Variants in IKZF1 observed in about 807,000 individuals in gnomAD.
IKZF1 encodes DNA-binding protein Ikaros.
In IKZF1, 10 loss-of-function variants were observed where a neutral mutation model predicts 51.7. That is an observed-to-expected ratio of 0.19 (90% CI 0.12 to 0.33). IKZF1 has a LOEUF of 0.33. Among genes scored for constraint, IKZF1 ranks in the 10% least tolerant of loss-of-function variants. The pLI is 1.00. For synonymous variants in IKZF1, 280 were observed against 282.3 expected (o/e 0.99, Z 0.08); for missense variants, 484 against 707.5 (o/e 0.68, Z 3.58).
Position 50,376,816 on chromosome 7 carries a change from C to A in IKZF1, c.421+23C>A, listed in dbSNP as rs1423426953. On this transcript the variant is annotated intron_variant, in intron 4 of 7. Transcript: ENST00000331340. This position sits in a 1 kb window ranked among gnomAD's most constrained non-coding sequence, Gnocchi z 4.5. ...CTGGTAAGGCCTGGCTCAGTTTTTC[C>A]TTTAGTGGCCTGGAGAAGGTGCATG... The A allele has an allele frequency of 6.2e-7, 1 of 1,611,064 alleles. No individual in the cohort carries two copies. Among genetic ancestry groups the A allele is most frequent in the East Asian group, 2.2e-5 (1 of 44,828 alleles).
At chr7:50,315,488 C>T (rs1562714738) in intron 1 of IKZF1, among the ~76,000 whole-genome samples, 1 of 152,164 alleles carries the variant, frequency 6.6e-6, no homozygotes, top group South Asian at 2.1e-4. Flanking sequence ...TCTATTTCCC[C>T]TTGTGCAAGA....
At chr7:50,392,540 C>T (rs1815439149) in intron 7 of IKZF1, among the ~76,000 whole-genome samples, 1 of 152,172 alleles carries the variant, frequency 6.6e-6, no homozygotes, top group African/African-American at 2.4e-5. Flanking sequence ...TGGGAACCAG[C>T]TCAGAGTCAA....
chr7:50,314,757 A>C (rs1056539200), intron 1 of IKZF1, among the ~76,000 whole-genome samples: 7 of 152,236 alleles, frequency 4.6e-5, no homozygotes, highest in African/African-American at 9.6e-5. Context: ...CAGGAGCCCC[A>C]GCAGGTTCGG....
intron 1 of IKZF1, among the ~76,000 whole-genome samples, chr7:50,316,812 A>G (rs948447361): frequency 1.3e-5 from 2 of 152,252 alleles, no homozygotes; most frequent in African/African-American, 4.8e-5. Context: ...GGCGTTTGCC[A>G]GTGGTGTTGG....
At chr7:50,368,642 A>T (rs1281313382) in intron 3 of IKZF1, 2 of 329,494 alleles carry the variant, frequency 6.1e-6, no homozygotes, top group Non-Finnish European at 5.5e-6. Flanking sequence ...TAAACCAAAA[A>T]CAGATGTGAA....
Position 50,354,140 on chromosome 7 carries a change from G to T in IKZF1, c.161-22393G>T, listed in dbSNP as rs558169562. 1.1e-4 allele frequency among the ~76,000 whole-genome samples: 16 copies of T among 152,300 alleles called. No individual in the cohort carries two copies. The South Asian group carries it at 3.3e-3, about 32-fold the overall frequency. On this transcript the variant is annotated intron_variant, in intron 3 of 7. Transcript: ENST00000331340. ...AGGTGCGTCTTTAGCAGTTCTCCCT[G>T]GTGTGGAAGGATCAGTGGTTCTTGC...
chr7:50,345,364 AGAGATCAT>A (rs1264456710), intron 3 of IKZF1, among the ~76,000 whole-genome samples: 1 of 152,252 alleles, frequency 6.6e-6, no homozygotes, highest in Non-Finnish European at 1.5e-5. Flanking sequence ...ATATTGGACT[AGAGATCAT>A]GGCAAATCAG....
intron 1 of IKZF1, among the ~76,000 whole-genome samples, chr7:50,307,115 A>C (rs1788996689): frequency 6.6e-6 from 1 of 152,208 alleles, no homozygotes; most frequent in Non-Finnish European, 1.5e-5. Flanking sequence ...TTAAACTTTT[A>C]CTAAAACAAG....
At chr7:50,346,024 T>G (rs1800272610) in intron 3 of IKZF1, among the ~76,000 whole-genome samples, 1 of 152,264 alleles carries the variant, frequency 6.6e-6, no homozygotes, top group South Asian at 2.1e-4. Flanking sequence ...GCAGTCTGAC[T>G]GTTCTCCTAG....
intron 3 of IKZF1, among the ~76,000 whole-genome samples, chr7:50,342,437 G>C (rs1012760057): frequency 2.0e-5 from 3 of 152,084 alleles, no homozygotes; most frequent in Non-Finnish European, 4.4e-5. Context: ...TTAAATTTTT[G>C]AAATGAGGTA....
At chr7:50,377,915 C>T (rs1164561960) in intron 4 of IKZF1, among the ~76,000 whole-genome samples, 1 of 152,110 alleles carries the variant, frequency 6.6e-6, no homozygotes, top group Non-Finnish European at 1.5e-5. Context: ...CACTGCAAAA[C>T]CCAAGAGGAA....
intron 1 of IKZF1, among the ~76,000 whole-genome samples, chr7:50,316,869 T>C (rs892031822): frequency 6.6e-5 from 10 of 152,216 alleles, no homozygotes; most frequent in Non-Finnish European, 1.5e-4. Context: ...TTTTTAAGAA[T>C]TGAAAATAAC....
At chr7:50,384,416 A>T (rs1277605346) in intron 5 of IKZF1, among the ~76,000 whole-genome samples, 2 of 152,232 alleles carry the variant, frequency 1.3e-5, no homozygotes, top group East Asian at 3.8e-4. Context: ...GGGTGATTTG[A>T]CTTCCTAAAA....
intron 3 of IKZF1, among the ~76,000 whole-genome samples, chr7:50,333,842 A>G (rs1796960551): frequency 6.6e-6 from 1 of 152,142 alleles, no homozygotes; most frequent in African/African-American, 2.4e-5. Context: ...TCATCTTGCA[A>G]TTTACTACCA....
At chr7:50,325,238 T>C (rs1794586259) in intron 2 of IKZF1, among the ~76,000 whole-genome samples, 1 of 150,506 alleles carries the variant, frequency 6.6e-6, no homozygotes, top group East Asian at 1.9e-4. Flanking sequence ...TATTTTGTTA[T>C]TCTTACCCCC....
At chr7:50,340,063 C>T (rs1798714298) in intron 3 of IKZF1, among the ~76,000 whole-genome samples, 2 of 152,304 alleles carry the variant, frequency 1.3e-5, no homozygotes, top group Admixed American at 6.5e-5. Flanking sequence ...GCAGTTCTCC[C>T]TGTGCCTGCA....
At chr7:50,372,867 A>T (rs532963786) in intron 3 of IKZF1, among the ~76,000 whole-genome samples, 1 of 152,308 alleles carries the variant, frequency 6.6e-6, no homozygotes, top group South Asian at 2.1e-4. Flanking sequence ...TCCACTCTTC[A>T]TATTTATTGT....
chr7:50,404,489 A>G lies in IKZF1; in HGVS notation c.*3862A>G. On this transcript the variant is annotated 3_prime_UTR_variant, in exon 8 of 8. Transcript: ENST00000331340. ...ACTGGCGTAAGAGAAGGCCCAGCAG[A>G]GCAGGAATCTGCCTAGACTTTCTCC... 4.3e-6 allele frequency: 1 copy of G among 230,000 alleles called. No homozygotes were observed. Among genetic ancestry groups the G allele is most frequent in the Non-Finnish European group, 8.6e-6 (1 of 115,934 alleles). The allele number at this position is 230,000 out of a possible 1,614,324, so 14.2% of individuals were successfully genotyped here.
rs1817948613 is a variant in IKZF1 at position 50,400,665 on chromosome 7, C to A, written c.*38C>A. 1.9e-6 allele frequency: 3 copies of A among 1,568,742 alleles called. No individual in the cohort carries two copies. The highest frequency in any genetic ancestry group is 2.3e-5 in the East Asian group (1 of 43,176). On this transcript the variant is annotated 3_prime_UTR_variant, in exon 8 of 8. Coordinates refer to ENST00000331340, the MANE Select transcript of IKZF1 (RefSeq NM_006060.6). This position sits in a 1 kb window ranked among gnomAD's most constrained non-coding sequence, Gnocchi z 5.4. Reference sequence around the variant, plus strand: ...CCCCCACCCCAGACCCCGAGCCACCCCAGGAAAAGCACAAGGACTGCCGCC... The same window carrying A: ...CCCCCACCCCAGACCCCGAGCCACCACAGGAAAAGCACAAGGACTGCCGCC...
Sources: gnomAD v4.1 joint callset for allele counts (sites outside exome capture counted in the v4.1 genomes callset) on GRCh38, gnomAD v4.1.1 for gene constraint, Gnocchi (gnomAD v3.1) non-coding constraint, MANE v1.5 for transcripts, NCBI Gene and HGNC (gene_info 2026-07-23, HGNC 2026-07-21) for gene names.